The following TRPM7 variants were observed in gnomAD, a reference collection of about 807,000 sequenced individuals.
The protein encoded by TRPM7 is LTRPC ion channel family member 7.
In TRPM7, 134 loss-of-function variants were observed where a neutral mutation model predicts 229.7. The ratio of observed to expected loss-of-function variants is 0.58; its 90% CI spans 0.51 to 0.67. TRPM7 has a LOEUF of 0.67. Ranked by LOEUF, TRPM7 falls within the 30% of genes least tolerant of loss-of-function variation. The pLI is 0.00. For missense variants in TRPM7, 1,901 were observed against 2,210.0 expected, an observed-to-expected ratio of 0.86 and a Z score of 2.80; for synonymous variants, 699 against 715.2, an observed-to-expected ratio of 0.98 and a Z score of 0.36.
intron 23 of TRPM7, among the ~76,000 whole-genome samples, chr15:50,595,267 C>A (rs512708): frequency 0.59 from 89,313 of 150,976 alleles, 26,659 homozygotes; most frequent in African/African-American, 0.67. Context: ...CAGTGTGGGC[C>A]GAGTTGAGGA....
rs1400137982 is a variant in TRPM7, at chr15:50,574,225, TGA to T, written c.5308+47_5308+48del. 18 of 1,404,378 alleles carry T rather than the reference TGA, an allele frequency of 1.3e-5. No homozygotes were observed. In the Admixed American group the frequency reaches 2.2e-4, roughly 17 times the overall value. 87.0% of individuals were successfully genotyped at this position (1,404,378 alleles called of 1,614,324 possible). ...AGATTCTGTATAACATATGAATAGG[TGA>T]GAACCTACTGCAGAATTTCACCTTA... On this transcript the variant is annotated intron_variant, in intron 36 of 38. Transcript: ENST00000646667.
chr15:50,641,672 C>G (rs2061104747), intron 5 of TRPM7, among the ~76,000 whole-genome samples: 1 of 152,106 alleles, frequency 6.6e-6, no homozygotes, highest in Non-Finnish European at 1.5e-5. Flanking sequence ...AAATTCTTAG[C>G]AGCCTCAAAA....
rs1050002493 is a variant in TRPM7, at chr15:50,557,519, A to C, written c.*4159T>G. 6.6e-6 allele frequency: 1 copy of C among 152,264 alleles called. No homozygotes were observed. The highest frequency in any genetic ancestry group is 2.4e-5 in the African/African-American group (1 of 41,468). The allele number at this position is 152,264 out of a possible 1,614,324, so 9.4% of individuals were successfully genotyped here. On this transcript the variant is annotated 3_prime_UTR_variant, in exon 39 of 39. Transcript: ENST00000646667. ...TTCTTCACATTTAAAAATATTTTCTAAACAATCCAATATAATCTTTTCTAT... is the reference window on the plus strand; with the variant it reads ...TTCTTCACATTTAAAAATATTTTCTCAACAATCCAATATAATCTTTTCTAT...
intron 22 of TRPM7, among the ~76,000 whole-genome samples, chr15:50,598,618 T>C (rs1358079943): frequency 6.6e-6 from 1 of 152,194 alleles, no homozygotes; most frequent in Non-Finnish European, 1.5e-5. Context: ...ATTTTAGAGA[T>C]AGGCAGGCTG....
chr15:50,655,829 A>C (rs935507274), intron 3 of TRPM7, among the ~76,000 whole-genome samples: 1 of 152,040 alleles, frequency 6.6e-6, no homozygotes, highest in African/African-American at 2.4e-5. Flanking sequence ...ATCTATACTA[A>C]AAGTACGAAA....
At chr15:50,614,831 G>A (rs1036324646) in intron 13 of TRPM7, among the ~76,000 whole-genome samples, 2 of 152,060 alleles carry the variant, frequency 1.3e-5, no homozygotes, top group Non-Finnish European at 2.9e-5. Context: ...ACCTAAAGCA[G>A]GAAGATAACA....
chr15:50,575,671 A>C, intron 33 of TRPM7, 53 bp downstream of exon 33: 1 of 1,485,934 alleles, frequency 6.7e-7, no homozygotes, highest in Non-Finnish European at 9.2e-7. Context: ...TATAGCTAAA[A>C]ATCATTAAAG....
intron 31 of TRPM7, 35 bp downstream of exon 31, chr15:50,578,604 A>AT (rs1174534496): frequency 1.2e-6 from 2 of 1,601,154 alleles, no homozygotes; most frequent in Non-Finnish European, 1.7e-6. Flanking sequence ...TAAGATTCTC[A>AT]TTTTTTTCAC....
chr15:50,633,001 A>G lies in TRPM7; in HGVS notation c.1008-9T>C. 1 of 1,578,048 alleles carries G rather than the reference A, an allele frequency of 6.3e-7. No homozygotes were observed. The highest frequency in any genetic ancestry group is 2.3e-5 in the East Asian group (1 of 43,802). On this transcript the variant is annotated splice_polypyrimidine_tract_variant and intron_variant, in intron 8 of 38. Transcript: ENST00000646667. Reference sequence around the variant, plus strand: ...CTGCATCAGGAAGATTCCTGGAATAAAAGGAAACATAATTCACTGATTTCA... The same window carrying G: ...CTGCATCAGGAAGATTCCTGGAATAGAAGGAAACATAATTCACTGATTTCA...
In TRPM7 at chr15:50,614,144, A is replaced by G; in HGVS notation, c.1614T>C (p.Asn538=). The change falls in exon 14 of 39, where the codon AAT becomes AAC. Residue 538 remains asparagine, a synonymous_variant. Transcript: ENST00000646667. The part of the protein sequence containing the change: ...YTRKRFRLIY[N]SLGGNNRRSG... Reference sequence around the variant, plus strand: ...ATACCCGATTATTTCCACCAAGACTATTATATATTAATCGAAAACGTTTCC... The same window carrying G: ...ATACCCGATTATTTCCACCAAGACTGTTATATATTAATCGAAAACGTTTCC... 6.2e-7 allele frequency: 1 copy of G among 1,608,564 alleles called. No individual in the cohort carries two copies. Among genetic ancestry groups the G allele is most frequent in the Non-Finnish European group, 8.5e-7 (1 of 1,178,260 alleles).
intron 1 of TRPM7, among the ~76,000 whole-genome samples, chr15:50,679,533 TA>T (rs1397750167): frequency 0.024 from 1,223 of 51,598 alleles, 25 homozygotes; most frequent in Non-Finnish European, 0.026. Context: ...TATATATATA[TA>T]TATATTTTTT....
At chr15:50,670,798 AAAAAAG>A (rs2061969835) in intron 1 of TRPM7, among the ~76,000 whole-genome samples, 1 of 143,132 alleles carries the variant, frequency 7.0e-6, no homozygotes. Context: ...TTTACTGTAA[AAAAAAG>A]AAAAAGAAAA....
intron 1 of TRPM7, among the ~76,000 whole-genome samples, chr15:50,675,209 G>A (rs2062067798): frequency 6.6e-6 from 1 of 152,116 alleles, no homozygotes; most frequent in South Asian, 2.1e-4. Context: ...TGGGCATGGT[G>A]GCGGGCACCT....
intron 22 of TRPM7, among the ~76,000 whole-genome samples, chr15:50,597,591 T>C (rs1471053410): frequency 6.6e-6 from 1 of 152,102 alleles, no homozygotes; most frequent in Non-Finnish European, 1.5e-5. Context: ...TTATAACAAC[T>C]ACACAATTAG....
intron 11 of TRPM7, among the ~76,000 whole-genome samples, chr15:50,625,663 A>G (rs1417551150): frequency 6.6e-6 from 1 of 152,140 alleles, no homozygotes; most frequent in Non-Finnish European, 1.5e-5. Flanking sequence ...AGCCTCCCAC[A>G]GTACTGGAAT....
chr15:50,594,029 G>GT (rs1470735319), intron 24 of TRPM7, among the ~76,000 whole-genome samples: 1 of 151,824 alleles, frequency 6.6e-6, no homozygotes, highest in African/African-American at 2.4e-5. Flanking sequence ...TCTCCCTCAC[G>GT]TATCTACTCA....
chr15:50,640,926 T>G (rs1256973566), intron 5 of TRPM7, among the ~76,000 whole-genome samples: 1 of 152,164 alleles, frequency 6.6e-6, no homozygotes, highest in Non-Finnish European at 1.5e-5. Context: ...CACTTACTCT[T>G]AGACTTTTAA....
chr15:50,573,783 G>A (rs866864767), intron 36 of TRPM7, among the ~76,000 whole-genome samples: 8 of 152,136 alleles, frequency 5.3e-5, no homozygotes, highest in South Asian at 2.1e-4. Flanking sequence ...TAGCCAGGCC[G>A]GGTGTGGTGG....
chr15:50,578,570 T>C (rs1051861197), intron 31 of TRPM7, 69 bp downstream of exon 31: 3 of 1,441,546 alleles, frequency 2.1e-6, no homozygotes, highest in African/African-American at 2.8e-5. Context: ...TAGAATAATG[T>C]GGTGTTTGCT....
Sources: allele counts gnomAD v4.1 joint callset (sites outside exome capture counted in the v4.1 genomes callset), GRCh38; gene constraint gnomAD v4.1.1; transcripts MANE v1.5; gene names NCBI Gene and HGNC (gene_info 2026-07-23, HGNC 2026-07-21).